The following INKA2 variants were observed in gnomAD, a reference collection of about 807,000 sequenced individuals.
INKA2 encodes the protein PAK4-inhibitor INKA2.
Under a neutral mutation model 9.8 loss-of-function variants are expected in INKA2, and 3 were observed. The observed-to-expected ratio is 0.31, with a 90% CI of 0.14 to 0.79. INKA2 has a LOEUF of 0.79. Among genes scored for constraint, INKA2 ranks in the 30% least tolerant of loss-of-function variants. INKA2 has a pLI of 0.62. For synonymous variants in INKA2, 147 were observed against 143.3 expected (o/e 1.03, Z -0.18); for missense variants, 392 against 384.4 (o/e 1.02, Z -0.17).
At chr1:111,729,662 C>A (rs1002144589) in intron 1 of INKA2, among the ~76,000 whole-genome samples, 2 of 152,236 alleles carry the variant, frequency 1.3e-5, no homozygotes, top group African/African-American at 4.8e-5. Flanking sequence ...TTTCTTAAGC[C>A]CCCCAGAGAC....
At chr1:111,751,024 C>T (rs768787621) in intron 1 of INKA2, among the ~76,000 whole-genome samples, 2 of 152,220 alleles carry the variant, frequency 1.3e-5, no homozygotes, top group Non-Finnish European at 2.9e-5. Context: ...ACTTGTCTGC[C>T]TGGTGAGCTC....
chr1:111,750,820 C>A (rs368128628), intron 1 of INKA2, among the ~76,000 whole-genome samples: 1 of 152,342 alleles, frequency 6.6e-6, no homozygotes. Context: ...ACACTACCCC[C>A]CTTTGGAAGA....
intron 1 of INKA2, among the ~76,000 whole-genome samples, chr1:111,732,122 G>C (rs959261655): frequency 6.6e-5 from 10 of 152,214 alleles, no homozygotes; most frequent in Non-Finnish European, 1.0e-4. Context: ...GCGTTAGCTG[G>C]TTCTTGACTA....
rs1304262196 is a variant in INKA2 at position 111,723,033 on chromosome 1, G to A, written c.*3935C>T. The A allele has an allele frequency of 2.9e-6, 2 of 701,468 alleles. No individual in the cohort carries two copies. Among genetic ancestry groups the A allele is most frequent in the Non-Finnish European group, 5.2e-6 (2 of 384,446 alleles). The allele number at this position is 701,468 out of a possible 1,614,324, so 43.5% of individuals were successfully genotyped here. A position where few individuals can be genotyped will look rare whatever the true frequency, so the allele number is the denominator to read the frequency against. ...CAAGCAACATGCTCAAGCTTCCACAGTGACAGAGGGGGCTCTCAAATCTTA... is the reference window on the plus strand; with the variant it reads ...CAAGCAACATGCTCAAGCTTCCACAATGACAGAGGGGGCTCTCAAATCTTA... On this transcript the variant is annotated 3_prime_UTR_variant, in exon 2 of 2. Coordinates refer to ENST00000357260, the MANE Select transcript of INKA2 (RefSeq NM_019099.5).
intron 1 of INKA2, among the ~76,000 whole-genome samples, chr1:111,728,438 A>G (rs185116519): frequency 6.6e-6 from 1 of 152,302 alleles, no homozygotes; most frequent in East Asian, 1.9e-4. Context: ...GTAACGTCAC[A>G]CAGGTCATAG....
intron 1 of INKA2, among the ~76,000 whole-genome samples, chr1:111,728,808 C>T (rs925828112): frequency 1.3e-5 from 2 of 151,910 alleles, no homozygotes; most frequent in South Asian, 4.1e-4. Flanking sequence ...AAATCCAAAA[C>T]ACTTCTGGCC....
chr1:111,728,038 T>TACAAACACAC (rs1490341708), intron 1 of INKA2, among the ~76,000 whole-genome samples: 5 of 109,434 alleles, frequency 4.6e-5, no homozygotes, highest in Non-Finnish European at 1.0e-4. Context: ...CCCCACCCCA[T>TACAAACACAC]ACACACACAC....
rs150129230 is a variant in INKA2 at position 111,726,689 on chromosome 1, C to A, written c.*279G>T. Reference sequence around the variant, plus strand: ...CCTCCAGCCCCAAAGTGAGTGCATGCATGCCAGACAGACACACACATGCAC... The same window carrying A: ...CCTCCAGCCCCAAAGTGAGTGCATGAATGCCAGACAGACACACACATGCAC... On this transcript the variant is annotated 3_prime_UTR_variant, in exon 2 of 2. Transcript: ENST00000357260. The A allele has an allele frequency of 2.7e-3, 1,193 of 447,276 alleles. 7 individuals are homozygous for A. Among genetic ancestry groups the A allele is most frequent in the Middle Eastern group, 0.014 (23 of 1,674 alleles). 27.7% of individuals were successfully genotyped at this position (447,276 alleles called of 1,614,324 possible). A position where few individuals can be genotyped will look rare whatever the true frequency, so the allele number is the denominator to read the frequency against.
At position 111,724,565 on chromosome 1, in the gene INKA2, G is replaced by A. The variant is rs1026910322; in HGVS notation, c.*2403C>T. 1.7e-3 allele frequency: 252 copies of A among 144,552 alleles called. No homozygotes were observed. Among genetic ancestry groups the A allele is most frequent in the Admixed American group, 2.6e-3 (37 of 14,494 alleles). The allele number at this position is 144,552 out of a possible 1,614,324, so 9.0% of individuals were successfully genotyped here. A position where few individuals can be genotyped will look rare whatever the true frequency, so the allele number is the denominator to read the frequency against. Reference sequence around the variant, plus strand: ...ACATGCAGTTTCTTAGCACGCGCAGGCACACACACACACACACACACACAC... The same window carrying A: ...ACATGCAGTTTCTTAGCACGCGCAGACACACACACACACACACACACACAC... On this transcript the variant is annotated 3_prime_UTR_variant, in exon 2 of 2. Transcript: ENST00000357260.
At chr1:111,755,538 G>A (rs1663520380) in intron 1 of INKA2, 3 of 753,938 alleles carry the variant, frequency 4.0e-6, no homozygotes, top group South Asian at 1.9e-5. Flanking sequence ...ACGGAAGCAC[G>A]AGACGGGGGC....
At chr1:111,735,151 T>C (rs1445736014) in intron 1 of INKA2, among the ~76,000 whole-genome samples, 4 of 152,232 alleles carry the variant, frequency 2.6e-5, no homozygotes, top group African/African-American at 9.6e-5. Context: ...TCAATTAATA[T>C]CATTATTATA....
upstream of INKA2, among the ~76,000 whole-genome samples, chr1:111,740,270 T>C (rs1663114198): frequency 6.6e-6 from 1 of 152,230 alleles, no homozygotes; most frequent in African/African-American, 2.4e-5. Flanking sequence ...CGAAGCGCTC[T>C]AAGGCCGGGA....
At position 111,726,508 on chromosome 1, in the gene INKA2, G is replaced by C; in HGVS notation, c.*460C>G. 1 of 190,530 alleles carries C rather than the reference G, an allele frequency of 5.2e-6. No individual in the cohort carries two copies. The highest frequency in any genetic ancestry group is 1.4e-4 in the East Asian group (1 of 7,284). The allele number at this position is 190,530 out of a possible 1,614,324, so 11.8% of individuals were successfully genotyped here. On this transcript the variant is annotated 3_prime_UTR_variant, in exon 2 of 2. Coordinates refer to ENST00000357260, the MANE Select transcript of INKA2 (RefSeq NM_019099.5). ...TTGCCAAAGAAGCTGACAGAAGGTT[G>C]GGAGAGCCATAGACAGGTCTTTATT...
At chr1:111,752,818 C>T (rs569009838) in intron 1 of INKA2, among the ~76,000 whole-genome samples, 4 of 152,132 alleles carry the variant, frequency 2.6e-5, no homozygotes, top group Non-Finnish European at 2.9e-5. Flanking sequence ...CTCAGCCTAC[C>T]GAGTAGCTGG....
At position 111,727,817 on chromosome 1, in the gene INKA2, G is replaced by A; in HGVS notation, c.58-13C>T. ...CCTTCATGGACATCTGCAGGGGAGA[G>A]AGAAAGCATGGGGCCTATGAGCCAC... On this transcript the variant is annotated splice_polypyrimidine_tract_variant and intron_variant, in intron 1 of 1. Coordinates refer to ENST00000357260, the MANE Select transcript of INKA2 (RefSeq NM_019099.5). 1.2e-6 allele frequency: 2 copies of A among 1,600,722 alleles called. No homozygotes were observed. The highest frequency in any genetic ancestry group is 1.7e-6 in the Non-Finnish European group (2 of 1,179,332).
At chr1:111,733,015 C>T (rs1031391350) in intron 1 of INKA2, among the ~76,000 whole-genome samples, 2 of 152,186 alleles carry the variant, frequency 1.3e-5, no homozygotes, top group African/African-American at 2.4e-5. Context: ...CTGATCCCCA[C>T]GGCTAAACTC....
intron 1 of INKA2, among the ~76,000 whole-genome samples, chr1:111,732,803 C>A (rs1431866917): frequency 6.6e-6 from 1 of 152,166 alleles, no homozygotes; most frequent in African/African-American, 2.4e-5. Context: ...GCAGTTTAAA[C>A]CATCCCCTGG....
intron 1 of INKA2, among the ~76,000 whole-genome samples, chr1:111,738,154 TAAAAGAGACA>T (rs1663046334): frequency 6.6e-6 from 1 of 151,626 alleles, no homozygotes; most frequent in Non-Finnish European, 1.5e-5. Context: ...AGAGACAAAC[TAAAAGAGACA>T]AAAAGAGACG....
upstream of INKA2, chr1:111,739,946 C>G (rs1052744389): frequency 6.6e-6 from 1 of 152,304 alleles, no homozygotes; most frequent in African/African-American, 2.4e-5. Context: ...CCGGTTCACG[C>G]CTGTCACACA....
Sources: allele counts gnomAD v4.1 joint callset (sites outside exome capture counted in the v4.1 genomes callset), GRCh38; gene constraint gnomAD v4.1.1; transcripts MANE v1.5; gene names NCBI Gene and HGNC (gene_info 2026-07-23, HGNC 2026-07-21).